RPTOR: variants seen among roughly 807,000 people sequenced by gnomAD.
RPTOR encodes the protein regulatory associated protein of MTOR complex 1.
In RPTOR, 21 loss-of-function variants were observed where a neutral mutation model predicts 169.9. The ratio of observed to expected loss-of-function variants is 0.12; its 90% confidence interval spans 0.09 to 0.18. The LOEUF (loss-of-function observed/expected upper bound fraction) is 0.18. RPTOR is among the 10% of genes least tolerant of loss of function. The pLI, the probability that RPTOR is intolerant of heterozygous loss-of-function variation, is 1.00. For missense variants in RPTOR, 1,133 were observed against 1,855.9 expected (o/e 0.61, Z 7.16); for synonymous variants, 732 against 753.2 (o/e 0.97, Z 0.46).
At chr17:80,855,276 C>T (rs769753472) in intron 11 of RPTOR, among the ~76,000 whole-genome samples, 188 bp from the exon 12 acceptor site, 1 of 152,300 alleles carries the variant, frequency 6.6e-6, no homozygotes, top group East Asian at 1.9e-4. Context: ...AGGCATAAAG[C>T]GTGTTTTCTT....
At chr17:80,696,617 C>T (rs973599890) in intron 3 of RPTOR, among the ~76,000 whole-genome samples, 1 of 152,216 alleles carries the variant, frequency 6.6e-6, no homozygotes, top group African/African-American at 2.4e-5. Context: ...CCGGCTGGTG[C>T]GTCAGAGCCT....
At chr17:80,799,175 T>C (rs2067130846) in intron 7 of RPTOR, among the ~76,000 whole-genome samples, 2 of 152,226 alleles carry the variant, frequency 1.3e-5, no homozygotes, top group Non-Finnish European at 2.9e-5. Flanking sequence ...AACTTGTTTT[T>C]AATTATAGTT....
chr17:80,891,284 A>T (rs2068319598), intron 17 of RPTOR, among the ~76,000 whole-genome samples: 1 of 152,218 alleles, frequency 6.6e-6, no homozygotes, highest in African/African-American at 2.4e-5. Flanking sequence ...TGTCCGCTGC[A>T]CTCGGCCCTG....
chr17:80,647,127 C>T (rs981350137), intron 3 of RPTOR, among the ~76,000 whole-genome samples: 4 of 152,184 alleles, frequency 2.6e-5, no homozygotes, highest in African/African-American at 4.8e-5. Context: ...CTATCTGGCC[C>T]GTATTTCCTT....
intron 23 of RPTOR, 137 bp downstream of exon 23, chr17:80,923,810 G>A (rs961912261): frequency 2.1e-6 from 2 of 943,694 alleles, no homozygotes; most frequent in East Asian, 2.7e-5. Flanking sequence ...GGGTCTGTGG[G>A]CCACTCTCTG....
chr17:80,921,423 C>A (rs960967449), intron 21 of RPTOR, among the ~76,000 whole-genome samples: 1 of 152,230 alleles, frequency 6.6e-6, no homozygotes, highest in Non-Finnish European at 1.5e-5. Context: ...CGCATTCCCC[C>A]CACTGAGCAG....
chr17:80,714,431 T>C (rs2066223182), intron 4 of RPTOR, among the ~76,000 whole-genome samples: 1 of 152,214 alleles, frequency 6.6e-6, no homozygotes, highest in Admixed American at 6.5e-5. Context: ...GTTCACCATA[T>C]GCTGAGCCAT....
intron 3 of RPTOR, among the ~76,000 whole-genome samples, chr17:80,687,875 A>G (rs34199628): frequency 0.18 from 26,712 of 152,068 alleles, 3,749 homozygotes; most frequent in African/African-American, 0.39. Flanking sequence ...ACTGCCTTCA[A>G]TTCACCCTCC....
chr17:80,735,022 G>T (rs1371561442), intron 5 of RPTOR, among the ~76,000 whole-genome samples: 1 of 152,158 alleles, frequency 6.6e-6, no homozygotes, highest in African/African-American at 2.4e-5. Flanking sequence ...ATCCATGGGG[G>T]TCTAGGAACC....
intron 24 of RPTOR, among the ~76,000 whole-genome samples, chr17:80,939,623 C>T (rs1437523726): frequency 6.6e-6 from 1 of 152,180 alleles, no homozygotes; most frequent in Non-Finnish European, 1.5e-5. Flanking sequence ...CCCTCTGCTG[C>T]CCAGGAAGGT....
intron 6 of RPTOR, among the ~76,000 whole-genome samples, chr17:80,757,363 T>C (rs1273752332): frequency 1.3e-5 from 2 of 152,200 alleles, no homozygotes; most frequent in African/African-American, 4.8e-5. Flanking sequence ...CGCCACGTTG[T>C]TTCTGAACTG....
chr17:80,605,570 A>G (rs963629410), intron 1 of RPTOR, among the ~76,000 whole-genome samples: 1 of 152,160 alleles, frequency 6.6e-6, no homozygotes, highest in Admixed American at 6.5e-5. Context: ...GTGATCATCA[A>G]CACAAATGGG....
In RPTOR at chr17:80,845,071, C is replaced by T. The variant is rs772251276; in HGVS notation, c.1213-1402C>T. 2.0e-5 allele frequency among the ~76,000 whole-genome samples: 3 copies of T among 151,934 alleles called. No homozygotes were observed. The highest frequency in any genetic ancestry group is 2.9e-5 in the Non-Finnish European group (2 of 67,962). On this transcript the variant is annotated intron_variant, in intron 10 of 33. Transcript: ENST00000306801. This position sits in a 1 kb window ranked among gnomAD's most constrained non-coding sequence, Gnocchi z 5.4. ...TGACTCTCCGTGGAGGGAATCAGGC[C>T]GGACTGCTCCTGCCTGGCCGCTCAG...
intron 3 of RPTOR, among the ~76,000 whole-genome samples, chr17:80,644,239 T>G (rs1286521631): frequency 6.6e-6 from 1 of 151,872 alleles, no homozygotes; most frequent in Admixed American, 6.6e-5. Flanking sequence ...TAACACTTAT[T>G]ATATGCTTTG....
intron 21 of RPTOR, among the ~76,000 whole-genome samples, chr17:80,911,552 C>G (rs188162889): frequency 1.3e-5 from 2 of 152,150 alleles, no homozygotes; most frequent in African/African-American, 4.8e-5. Flanking sequence ...GAGGCCAAGG[C>G]GAGAGACGAT....
At chr17:80,719,366 T>G (rs1450593095) in intron 4 of RPTOR, among the ~76,000 whole-genome samples, 1 of 152,136 alleles carries the variant, frequency 6.6e-6, no homozygotes, top group Non-Finnish European at 1.5e-5. Context: ...ATATTCCAAG[T>G]GAAGCAGTCC....
chr17:80,584,770 C>T (rs1339867827), intron 1 of RPTOR, among the ~76,000 whole-genome samples: 2 of 152,188 alleles, frequency 1.3e-5, no homozygotes, highest in South Asian at 2.1e-4. Context: ...CACTTAGAAA[C>T]ATTGTTACCA....
At chr17:80,833,711 C>T (rs752982996) in intron 9 of RPTOR, among the ~76,000 whole-genome samples, 4 of 152,182 alleles carry the variant, frequency 2.6e-5, no homozygotes, top group Non-Finnish European at 4.4e-5. Flanking sequence ...CCGTGCAGGC[C>T]GGGTGCAATG....
At chr17:80,904,445 T>C (rs1283606791) in intron 20 of RPTOR, among the ~76,000 whole-genome samples, 1 of 152,202 alleles carries the variant, frequency 6.6e-6, no homozygotes, top group Non-Finnish European at 1.5e-5. Context: ...CTTCTGGGAT[T>C]CAGAGTCAGC....
Sources: gnomAD v4.1 joint callset for allele counts (sites outside exome capture counted in the v4.1 genomes callset) on GRCh38, gnomAD v4.1.1 for gene constraint, Gnocchi (gnomAD v3.1) non-coding constraint, MANE v1.5 for transcripts, NCBI Gene and HGNC (gene_info 2026-07-23, HGNC 2026-07-21) for gene names.